DLG2: variants seen among roughly 807,000 people sequenced by gnomAD.
The protein encoded by DLG2 is discs large MAGUK scaffold protein 2, also known as disks large homolog 2.
A neutral mutation model predicts 132.5 loss-of-function variants in DLG2; 45 were observed. The ratio of observed to expected loss-of-function variants is 0.34; its 90% CI spans 0.27 to 0.44. DLG2 has a LOEUF of 0.44. Ranked by LOEUF, DLG2 falls within the 20% of genes least tolerant of loss-of-function variation. DLG2 has a pLI of 1.00. For missense variants in DLG2, 1,045 were observed against 1,196.9 expected (o/e 0.87, Z 1.87); for synonymous variants, 424 against 419.6 (o/e 1.01, Z -0.13).
intron 6 of DLG2, among the ~76,000 whole-genome samples, chr11:84,549,940 G>A (rs1461236276): frequency 6.6e-6 from 1 of 151,912 alleles, no homozygotes; most frequent in Non-Finnish European, 1.5e-5. Flanking sequence ...TTTTTAAGTA[G>A]AGACAGTGTT....
At chr11:83,461,304 G>C (rs377403906) in intron 27 of DLG2, among the ~76,000 whole-genome samples, 2 of 151,872 alleles carry the variant, frequency 1.3e-5, no homozygotes, top group East Asian at 1.9e-4. Context: ...AGCCCAGCTC[G>C]AAAGTTCTTG....
At chr11:84,854,044 T>TTG (rs1163951984) in intron 6 of DLG2, among the ~76,000 whole-genome samples, 2 of 152,038 alleles carry the variant, frequency 1.3e-5, no homozygotes, top group African/African-American at 4.8e-5. Context: ...CCTAGTTTGC[T>TTG]ACAGACTCAT....
chr11:83,813,194 T>G (rs964609680), intron 17 of DLG2, among the ~76,000 whole-genome samples: 2 of 152,260 alleles, frequency 1.3e-5, no homozygotes, highest in African/African-American at 2.4e-5. Flanking sequence ...TTTCATCTTC[T>G]TAACCTTTGA....
intron 6 of DLG2, among the ~76,000 whole-genome samples, chr11:85,058,642 G>A (rs1409926087): frequency 2.0e-5 from 3 of 151,472 alleles, no homozygotes; most frequent in Non-Finnish European, 4.4e-5. Context: ...AAAACCTTAT[G>A]TACAGTAATT....
In DLG2 at chr11:84,644,775, G is replaced by T. The variant is rs1375138136; in HGVS notation, c.358-110044C>A. On this transcript the variant is annotated intron_variant, in intron 6 of 27. Transcript: ENST00000376104. ...TAAGCAGACCAAGAAAAGAAAATGGGGAGTGTGGGAAACTAATAATTCCTG... is the reference window on the plus strand; with the variant it reads ...TAAGCAGACCAAGAAAAGAAAATGGTGAGTGTGGGAAACTAATAATTCCTG... Among the ~76,000 whole-genome samples, 3 of 151,994 alleles carry T rather than the reference G, an allele frequency of 2.0e-5. No individual in the cohort carries two copies. The East Asian group carries it at 5.8e-4, about 29-fold the overall frequency.
At chr11:83,904,832 G>A (rs1276533254) in intron 15 of DLG2, among the ~76,000 whole-genome samples, 1 of 152,086 alleles carries the variant, frequency 6.6e-6, no homozygotes, top group Non-Finnish European at 1.5e-5. Context: ...GTGTTGCACT[G>A]TGGGAACTGG....
intron 15 of DLG2, among the ~76,000 whole-genome samples, chr11:83,918,383 A>C (rs2625519): frequency 0.51 from 78,081 of 151,880 alleles, 20,479 homozygotes; most frequent in East Asian, 0.85. Context: ...CAAGGCATTC[A>C]CTCACACCTA....
chr11:83,884,782 G>A (rs981314124), intron 15 of DLG2, among the ~76,000 whole-genome samples: 4 of 152,220 alleles, frequency 2.6e-5, no homozygotes, highest in Non-Finnish European at 4.4e-5. Flanking sequence ...CAGCATTCGC[G>A]GTTCACAAAA....
At chr11:85,053,796 CAAAAAAA>C (rs34604489) in intron 6 of DLG2, among the ~76,000 whole-genome samples, 8 of 45,804 alleles carry the variant, frequency 1.7e-4, no homozygotes, top group South Asian at 7.8e-4. Context: ...GACTCTGTCT[CAAAAAAA>C]AAAAAAAAAA....
chr11:85,044,053 G>T (rs635860), intron 6 of DLG2, among the ~76,000 whole-genome samples: 58,217 of 151,746 alleles, frequency 0.38, 11,312 homozygotes, highest in South Asian at 0.57. Context: ...TTTCTGAATG[G>T]CCCCTGATCT....
rs1347058722 is a variant in DLG2 at position 84,587,299 on chromosome 11, T to C, written c.358-52568A>G. Among the ~76,000 whole-genome samples the C allele has an allele frequency of 2.0e-5, 3 of 152,308 alleles. 1 individual carries two copies. In the Middle Eastern group the frequency reaches 0.01, roughly 518 times the overall value. ...TTTTGCCACTGATTATGTTCATTTCTCTCCCTCATAGGTATTTTGTGGGAG... is the reference window on the plus strand; with the variant it reads ...TTTTGCCACTGATTATGTTCATTTCCCTCCCTCATAGGTATTTTGTGGGAG... On this transcript the variant is annotated intron_variant, in intron 6 of 27. Coordinates refer to ENST00000376104, the MANE Select transcript of DLG2 (RefSeq NM_001142699.3).
intron 6 of DLG2, among the ~76,000 whole-genome samples, chr11:84,937,767 G>C (rs766244842): frequency 4.6e-5 from 7 of 152,064 alleles, no homozygotes; most frequent in Non-Finnish European, 8.8e-5. Flanking sequence ...AAATTTGATA[G>C]GACTTCAAAG....
intron 11 of DLG2, among the ~76,000 whole-genome samples, chr11:84,007,984 T>C (rs1307046564): frequency 2.0e-5 from 3 of 151,836 alleles, no homozygotes; most frequent in African/African-American, 7.2e-5. Context: ...TGTAATGTAA[T>C]ACATCATACA....
intron 15 of DLG2, among the ~76,000 whole-genome samples, chr11:83,898,161 T>C (rs1204988419): frequency 3.3e-5 from 5 of 152,166 alleles, no homozygotes; most frequent in African/African-American, 9.7e-5. Flanking sequence ...GATCTATGTG[T>C]AAATGTGAGA....
chr11:84,498,995 T>G (rs569131401), intron 7 of DLG2, among the ~76,000 whole-genome samples: 9 of 152,210 alleles, frequency 5.9e-5, no homozygotes, highest in Non-Finnish European at 1.3e-4. Context: ...ACCTAGAACC[T>G]ACAGTTTATG....
At chr11:83,646,377 GGA>G (rs1202710778) in intron 18 of DLG2, among the ~76,000 whole-genome samples, 1 of 151,646 alleles carries the variant, frequency 6.6e-6, no homozygotes, top group Non-Finnish European at 1.5e-5. Context: ...GAGAGAGAGA[GGA>G]AGGAAGGAAG....
At chr11:83,588,199 A>T (rs1215913348) in intron 19 of DLG2, among the ~76,000 whole-genome samples, 3 of 151,810 alleles carry the variant, frequency 2.0e-5, no homozygotes. Context: ...ACAAACAAAA[A>T]GACAGCAGTA....
intron 21 of DLG2, among the ~76,000 whole-genome samples, chr11:83,490,587 A>T (rs1297949630): frequency 6.6e-6 from 1 of 151,958 alleles, no homozygotes; most frequent in Non-Finnish European, 1.5e-5. Flanking sequence ...TTTAATTATT[A>T]AAAAGAGGGG....
intron 3 of DLG2, among the ~76,000 whole-genome samples, chr11:85,517,472 G>A (rs765974229): frequency 1.3e-5 from 2 of 152,018 alleles, no homozygotes; most frequent in African/African-American, 2.4e-5. Context: ...CATCCAAATT[G>A]AAAAAGAGGA....
Sources: gnomAD v4.1 joint callset for allele counts (sites outside exome capture counted in the v4.1 genomes callset) on GRCh38, gnomAD v4.1.1 for gene constraint, MANE v1.5 for transcripts, NCBI Gene and HGNC (gene_info 2026-07-23, HGNC 2026-07-21) for gene names.